Variants in GSE1 observed in about 807,000 individuals in gnomAD.
GSE1 encodes the protein Gse1 coiled-coil protein, also known as genetic suppressor element 1.
In GSE1, 32 loss-of-function variants were observed where a neutral mutation model predicts 112.6. The observed-to-expected ratio is 0.28, with a 90% CI of 0.21 to 0.38. The LOEUF is 0.38. Ranked by LOEUF, GSE1 falls within the 10% of genes least tolerant of loss-of-function variation. GSE1 has a pLI of 1.00. For missense variants in GSE1, 2,348 were observed against 1,699.2 expected, an observed-to-expected ratio of 1.38 and a Z score of -6.71; for synonymous variants, 1,115 against 735.6, an observed-to-expected ratio of 1.52 and a Z score of -8.35.
rs576879713 is a variant in GSE1, at chr16:85,661,596, C to T, written c.2091C>T (p.Ala697=). The T allele has an allele frequency of 4.7e-5, 75 of 1,610,496 alleles. 1 individual carries two copies. The East Asian group carries it at 1.7e-3, about 35-fold the overall frequency. ...GQQRASLPQA[A]TFGELSGPLK... is the part of the protein sequence containing the mutation. Reference sequence around the variant, plus strand: ...AGCGGGCCTCCCTCCCACAGGCGGCCACCTTCGGGGAGCTCAGCGGACCCC... The same window carrying T: ...AGCGGGCCTCCCTCCCACAGGCGGCTACCTTCGGGGAGCTCAGCGGACCCC... Residue 697 remains alanine (A), a synonymous_variant, in exon 9 of 16, where the codon GCC becomes GCT. Coordinates refer to ENST00000253458, the MANE Select transcript of GSE1 (RefSeq NM_014615.5).
intron 1 of GSE1, among the ~76,000 whole-genome samples, chr16:85,628,783 C>T (rs563640703): frequency 1.3e-5 from 2 of 152,350 alleles, no homozygotes; most frequent in East Asian, 3.9e-4. Context: ...CATAGCTCTT[C>T]TCGTTGCCAT....
At chr16:85,466,703 G>T (rs1296866171) in intron 2 of GSE1, among the ~76,000 whole-genome samples, 34 of 95,324 alleles carry the variant, frequency 3.6e-4, no homozygotes, top group East Asian at 1.6e-3. Context: ...TATATATATA[G>T]AGAGAGAGAG....
At chr16:85,392,855 G>A (rs1007314565) in intron 2 of GSE1, among the ~76,000 whole-genome samples, 11 of 152,228 alleles carry the variant, frequency 7.2e-5, no homozygotes, top group African/African-American at 2.2e-4. Context: ...CAGGTTGGCT[G>A]ACCCCGAATG....
rs188016982 is a variant in GSE1 at position 85,491,680 on chromosome 16, G to A, written c.2464+134037G>A. Among the ~76,000 whole-genome samples, 222 of 152,164 alleles carry A rather than the reference G, an allele frequency of 1.5e-3. 2 individuals carry two copies. The highest frequency in any genetic ancestry group is 4.7e-3 in the African/African-American group (195 of 41,502). ...GGTGGAGGAGGTGAGAAAAGTGGCCGAGCCTGGTCTCCTTTCAGGAAGGGG... is the reference window on the plus strand; with the variant it reads ...GGTGGAGGAGGTGAGAAAAGTGGCCAAGCCTGGTCTCCTTTCAGGAAGGGG... On this transcript the variant is annotated intron_variant, in intron 2 of 2. Coordinates refer to the GSE1 transcript ENST00000637419.
intron 2 of GSE1, among the ~76,000 whole-genome samples, chr16:85,423,842 G>C (rs1421240895): frequency 6.6e-6 from 1 of 152,254 alleles, no homozygotes; most frequent in African/African-American, 2.4e-5. Context: ...GCCGCTCACA[G>C]GCAGGGCCCC....
intron 1 of GSE1, among the ~76,000 whole-genome samples, chr16:85,230,984 G>A (rs1384849962): frequency 6.6e-6 from 1 of 151,938 alleles, no homozygotes; most frequent in Non-Finnish European, 1.5e-5. Context: ...CGGACGGATG[G>A]ATAGAAGGAC....
intron 2 of GSE1, among the ~76,000 whole-genome samples, chr16:85,450,903 G>A (rs570729199): frequency 6.6e-6 from 1 of 151,916 alleles, no homozygotes; most frequent in Non-Finnish European, 1.5e-5. Context: ...CCTGCCCCCT[G>A]TCTCTACTAA....
intron 14 of GSE1, 102 bp downstream of exon 14, chr16:85,668,526 GT>G (rs1362254983): frequency 1.3e-6 from 1 of 776,644 alleles, no homozygotes; most frequent in Non-Finnish European, 2.1e-6. Flanking sequence ...CCTGGGGACT[GT>G]TTCTCCGTCC....
chr16:85,292,177 C>CA (rs1254716664), intron 1 of GSE1, among the ~76,000 whole-genome samples: 1 of 150,130 alleles, frequency 6.7e-6, no homozygotes, highest in Non-Finnish European at 1.5e-5. Flanking sequence ...GTCTCACTGT[C>CA]ACCCAGGCTG....
chr16:85,641,494 C>G (rs1320591791), intron 2 of GSE1, among the ~76,000 whole-genome samples: 1 of 149,854 alleles, frequency 6.7e-6, no homozygotes, highest in Non-Finnish European at 1.5e-5. Context: ...TCGGGAGAGC[C>G]CTGCCCTGGG....
At chr16:85,493,489 C>T (rs2051072640) in intron 2 of GSE1, among the ~76,000 whole-genome samples, 1 of 151,946 alleles carries the variant, frequency 6.6e-6, no homozygotes, top group African/African-American at 2.4e-5. Context: ...CACAGTGGCT[C>T]ACACCTGTAA....
intron 1 of GSE1, among the ~76,000 whole-genome samples, chr16:85,307,608 G>GCACA (rs200347591): frequency 1.3e-3 from 51 of 38,442 alleles, no homozygotes; most frequent in African/African-American, 1.0e-2. Flanking sequence ...GCGTGTGATG[G>GCACA]CACACAGCAT....
chr16:85,653,743 G>C (rs1470296237), intron 3 of GSE1, among the ~76,000 whole-genome samples: 1 of 152,170 alleles, frequency 6.6e-6, no homozygotes, highest in Non-Finnish European at 1.5e-5. Flanking sequence ...TTCGGCCCAG[G>C]GGCAGTGCCA....
chr16:85,451,013 G>A (rs1222353781), intron 2 of GSE1, among the ~76,000 whole-genome samples: 1 of 145,310 alleles, frequency 6.9e-6, no homozygotes, highest in Non-Finnish European at 1.5e-5. Flanking sequence ...AGCAGAGGTT[G>A]CAGTGAGCCA....
At chr16:85,246,348 TACACACAC>T (rs375723620) in intron 1 of GSE1, among the ~76,000 whole-genome samples, 1 of 61,680 alleles carries the variant, frequency 1.6e-5, no homozygotes, top group African/African-American at 8.0e-5. Flanking sequence ...ACACGCTGTC[TACACACAC>T]ACACACACAC....
At chr16:85,387,950 A>ATGGATG (rs2047723860) in intron 2 of GSE1, among the ~76,000 whole-genome samples, 1 of 75,242 alleles carries the variant, frequency 1.3e-5, no homozygotes, top group South Asian at 4.4e-4. Context: ...ATGGATGGAT[A>ATGGATG]AAGGGATGGA....
intron 2 of GSE1, among the ~76,000 whole-genome samples, chr16:85,416,718 T>C (rs1372329388): frequency 6.6e-6 from 1 of 152,236 alleles, no homozygotes; most frequent in Non-Finnish European, 1.5e-5. Flanking sequence ...AAATCCACTT[T>C]CGTGGAATTA....
At chr16:85,350,887 C>T (rs1244979444) in intron 1 of GSE1, among the ~76,000 whole-genome samples, 1 of 152,236 alleles carries the variant, frequency 6.6e-6, no homozygotes, top group Non-Finnish European at 1.5e-5. Context: ...TCAAGTGATT[C>T]TCCTGCCTCA....
upstream of GSE1, among the ~76,000 whole-genome samples, chr16:85,608,120 C>G (rs530577317): frequency 6.6e-6 from 1 of 152,206 alleles, no homozygotes; most frequent in South Asian, 2.1e-4. Flanking sequence ...AGATGTAAGC[C>G]GGGCTTTGAA....
Sources: allele counts gnomAD v4.1 joint callset (sites outside exome capture counted in the v4.1 genomes callset), GRCh38; gene constraint gnomAD v4.1.1; transcripts MANE v1.5; gene names NCBI Gene and HGNC (gene_info 2026-07-23, HGNC 2026-07-21).